Variants in TRIM49B observed in about 807,000 individuals in gnomAD.
TRIM49B encodes the protein tripartite motif containing 49B.
Under a neutral mutation model 31.8 loss-of-function variants are expected in TRIM49B, and 18 were observed. The ratio of observed to expected loss-of-function variants is 0.57; its 90% CI spans 0.39 to 0.84. TRIM49B has a LOEUF of 0.84. Among genes scored for constraint, TRIM49B ranks in the 40% least tolerant of loss-of-function variants. TRIM49B has a pLI of 0.00. For synonymous variants in TRIM49B, 196 were observed against 180.6 expected, an observed-to-expected ratio of 1.09 and a Z score of -0.68; for missense variants, 494 against 538.7, an observed-to-expected ratio of 0.92 and a Z score of 0.82.
chr11:49,031,319 A>G (rs954692900), intron 1 of TRIM49B, among the ~76,000 whole-genome samples: 1 of 152,158 alleles, frequency 6.6e-6, no homozygotes, highest in Non-Finnish European at 1.5e-5. Flanking sequence ...TTCCAGATCT[A>G]CGTTCAGAAA....
intron 1 of TRIM49B, among the ~76,000 whole-genome samples, chr11:49,030,088 C>G (rs1029907204): frequency 1.3e-5 from 2 of 152,178 alleles, no homozygotes; most frequent in African/African-American, 2.4e-5. Context: ...AATCCCAGCA[C>G]TTTGGAAAGC....
In TRIM49B at chr11:49,037,761, G is replaced by A; in HGVS notation, c.1143G>A (p.Gly381=). ...IDGEDGLFLL[G]CVKNDIQRSL... ...GAGAGGATGGACTCTTTCTTCTTGG[G>A]TGTGTTAAGAATGACATTCAACGCA... The change falls in exon 7 of 7, where the codon GGG becomes GGA. Residue 381 remains glycine (G), a synonymous_variant. Coordinates refer to ENST00000332682, the MANE Select transcript of TRIM49B (RefSeq NM_001206626.2). 6.2e-7 allele frequency: 1 copy of A among 1,613,930 alleles called. No homozygotes were observed. Among genetic ancestry groups the A allele is most frequent in the African/African-American group, 1.3e-5 (1 of 75,014 alleles).
At position 49,037,761 on chromosome 11, in the gene TRIM49B, G is replaced by C; in HGVS notation, c.1143G>C (p.Gly381=). 6.2e-7 allele frequency: 1 copy of C among 1,613,930 alleles called. No homozygotes were observed. ...IDGEDGLFLL[G]CVKNDIQRSL... is the part of the protein sequence containing the mutation. ...GAGAGGATGGACTCTTTCTTCTTGG[G>C]TGTGTTAAGAATGACATTCAACGCA... Residue 381 remains glycine, a synonymous_variant, in exon 7 of 7, where the codon GGG becomes GGC. Coordinates refer to ENST00000332682, the MANE Select transcript of TRIM49B (RefSeq NM_001206626.2).
In TRIM49B at chr11:49,034,426, G is replaced by A. The variant is rs753502185; in HGVS notation, c.738+50G>A. 15 of 1,611,744 alleles carry A rather than the reference G, an allele frequency of 9.3e-6. No homozygotes were observed. The South Asian group carries it at 1.5e-4, about 17-fold the overall frequency. The stretch of plus-strand genomic sequence containing the variant: ...GGTTTTTGAATATTCACATGTATAA[G>A]TATTTTCCTCATGGCTGAAATCCAT... On this transcript the variant is annotated intron_variant, in intron 4 of 6. Coordinates refer to ENST00000332682, the MANE Select transcript of TRIM49B (RefSeq NM_001206626.2).
At chr11:49,029,111 G>A (rs1283525529) in intron 1 of TRIM49B, 136 bp downstream of exon 1, 1 of 152,002 alleles carries the variant, frequency 6.6e-6, no homozygotes, top group Admixed American at 6.6e-5. Flanking sequence ...TAGATTTTAT[G>A]AATTATAAGG....
At chr11:49,034,818 TCG>T in intron 4 of TRIM49B, among the ~76,000 whole-genome samples, 1 of 152,170 alleles carries the variant, frequency 6.6e-6, no homozygotes, top group East Asian at 1.9e-4. Context: ...AGTAGGTTTT[TCG>T]TGGTTACCAC....
At chr11:49,033,593 C>T (rs567966894) in intron 3 of TRIM49B, among the ~76,000 whole-genome samples, 1 of 152,114 alleles carries the variant, frequency 6.6e-6, no homozygotes, top group South Asian at 2.1e-4. Context: ...AGAGGAACCA[C>T]AAAGAAGTCT....
At chr11:49,030,102 A>T (rs4269923) in intron 1 of TRIM49B, among the ~76,000 whole-genome samples, 1 of 152,112 alleles carries the variant, frequency 6.6e-6, no homozygotes, top group Non-Finnish European at 1.5e-5. Context: ...GGAAAGCCAA[A>T]GCGGGCAGAT....
At chr11:49,031,349 C>T (rs3974809) in intron 1 of TRIM49B, among the ~76,000 whole-genome samples, 2 of 152,064 alleles carry the variant, frequency 1.3e-5, no homozygotes, top group Middle Eastern at 3.2e-3. Flanking sequence ...TGAATAGGTT[C>T]GTATTATGCT....
At chr11:49,035,368 TTTTTTTTTTG>T in intron 5 of TRIM49B, among the ~76,000 whole-genome samples, 1 of 57,764 alleles carries the variant, frequency 1.7e-5, no homozygotes, top group Non-Finnish European at 3.9e-5. Flanking sequence ...TTTTTTTTTT[TTTTTTTTTTG>T]AGACGGTGTC....
chr11:49,034,825 T>C (rs1337870635), intron 4 of TRIM49B, among the ~76,000 whole-genome samples: 1 of 152,198 alleles, frequency 6.6e-6, no homozygotes, highest in Non-Finnish European at 1.5e-5. Context: ...TTTTCGTGGT[T>C]ACCACAGAGC....
rs772974721 is a variant in TRIM49B, at chr11:49,034,150, A to T, written c.512A>T (p.Tyr171Phe). The T allele has an allele frequency of 1.2e-5, 19 of 1,611,774 alleles. No individual in the cohort carries two copies. Among genetic ancestry groups the T allele is most frequent in the Non-Finnish European group, 1.6e-5 (19 of 1,179,748 alleles). ...ACTAACCCATTATCACTGCAGGATT[A>T]TGTGAATTTAAGGCTAGAAGCAATT... Reference protein sequence around the residue: ...ETTRTRCWKDYVNLRLEAIRA... With the variant: ...ETTRTRCWKDFVNLRLEAIRA... Residue 171 changes from tyrosine (Y) to phenylalanine (F), a missense_variant, in exon 4 of 7, where the codon TAT (tyrosine) becomes TTT (phenylalanine). By Grantham distance (22) the Tyr-to-Phe change is conservative. Around this residue, in one of 3 missense-constraint regions of TRIM49B, gnomAD observed 251 missense variants for 232.8 expected, o/e 1.08. Transcript: ENST00000332682.
At chr11:49,037,395 A>G in intron 6 of TRIM49B, 83 bp from the exon 7 acceptor site, 1 of 1,480,466 alleles carries the variant, frequency 6.8e-7, no homozygotes, top group Non-Finnish European at 8.9e-7. Context: ...ATGACTTTAC[A>G]TTTGCTGGTA....
Position 49,031,652 on chromosome 11 carries a change from G to A in TRIM49B, c.53G>A (p.Cys18Tyr). The change falls in exon 2 of 7, where the codon TGC becomes TAC. Residue 18 changes from cysteine to tyrosine, a missense_variant. Physicochemically the swap from Cys to Tyr is radical, Grantham distance 194 (BLOSUM62 -2). Coordinates refer to ENST00000332682, the MANE Select transcript of TRIM49B (RefSeq NM_001206626.2). ...VFQRELICPI[C>Y]MNYFIDPVTI... ...CAGAGGGAACTCATCTGCCCCATCT[G>A]CATGAACTACTTCATAGACCCGGTC... 6 of 1,613,938 alleles carry A rather than the reference G, an allele frequency of 3.7e-6. No individual in the cohort carries two copies. Among genetic ancestry groups the A allele is most frequent in the Non-Finnish European group, 5.1e-6 (6 of 1,179,870 alleles).
Position 49,032,015 on chromosome 11 carries a change from G to T in TRIM49B, c.411+5G>T. 1 of 1,611,792 alleles carries T rather than the reference G, an allele frequency of 6.2e-7. No individual in the cohort carries two copies. The highest frequency in any genetic ancestry group is 8.5e-7 in the Non-Finnish European group (1 of 1,179,658). Reference sequence around the variant, plus strand: ...TCGGCTGCTGAGGAACACCAGGTAAGTGATGGCTCTGAAGATCGATTTCTG... The same window carrying T: ...TCGGCTGCTGAGGAACACCAGGTAATTGATGGCTCTGAAGATCGATTTCTG... On this transcript the variant is annotated splice_donor_5th_base_variant and intron_variant, in intron 2 of 6. Transcript: ENST00000332682.
intron 6 of TRIM49B, among the ~76,000 whole-genome samples, chr11:49,037,276 A>T (rs1854543214): frequency 1.9e-5 from 1 of 53,346 alleles, no homozygotes. Context: ...TTGGCTCTCA[A>T]TATGTAAGTT....
rs1162056301 is a variant in TRIM49B, at chr11:49,035,339, A to ATTTTTTTTTTTTTTT, written c.761+246_761+260dup. Among the ~76,000 whole-genome samples, 67 of 56,806 alleles carry ATTTTTTTTTTTTTTT rather than the reference A, an allele frequency of 1.2e-3. 12 individuals carry two copies. Among genetic ancestry groups the ATTTTTTTTTTTTTTT allele is most frequent in the African/African-American group, 2.2e-3 (30 of 13,460 alleles). 37.3% of individuals were successfully genotyped at this position (56,806 alleles called of 152,430 possible). A position where few individuals can be genotyped will look rare whatever the true frequency, so the allele number is the denominator to read the frequency against. ...ACTAAAACAAACAATTTGATTCCTGATTTTTTTTTTTTTTTTTTTTTTTTT... is the reference window on the plus strand; with the variant it reads ...ACTAAAACAAACAATTTGATTCCTGATTTTTTTTTTTTTTTTTTTTTTTTTTTTTTTTTTTTTTTT... On this transcript the variant is annotated intron_variant, in intron 5 of 6. Coordinates refer to ENST00000332682, the MANE Select transcript of TRIM49B (RefSeq NM_001206626.2).
At chr11:49,033,459 TTG>T (rs1326983307) in intron 3 of TRIM49B, among the ~76,000 whole-genome samples, 12 of 127,552 alleles carry the variant, frequency 9.4e-5, no homozygotes, top group African/African-American at 3.4e-4. Flanking sequence ...GTGTGTGTGG[TTG>T]TGTGTATATA....
intron 1 of TRIM49B, among the ~76,000 whole-genome samples, chr11:49,030,909 C>T (rs2134695192): frequency 6.6e-6 from 1 of 151,996 alleles, no homozygotes; most frequent in Middle Eastern, 3.4e-3. Flanking sequence ...ATAAAAAGAC[C>T]CAATATCTTT....
Sources: gnomAD v4.1 joint callset for allele counts (sites outside exome capture counted in the v4.1 genomes callset) on GRCh38, gnomAD v4.1.1 for gene constraint, gnomAD v4.1.1 regional missense constraint, MANE v1.5 for transcripts, NCBI Gene and HGNC (gene_info 2026-07-23, HGNC 2026-07-21) for gene names.